ATXN2: variants seen among roughly 807,000 people sequenced by gnomAD.
ATXN2 encodes ataxin-2.
In ATXN2, 37 loss-of-function variants were observed where a neutral mutation model predicts 138.6. The ratio of observed to expected loss-of-function variants is 0.27; its 90% CI spans 0.21 to 0.35. The LOEUF (loss-of-function observed/expected upper bound fraction) is 0.35, where lower values mean the gene tolerates loss of function less well. ATXN2 is among the 10% of genes least tolerant of loss of function. ATXN2 has a pLI of 1.00. For missense variants in ATXN2, 1,216 were observed against 1,480.3 expected, an observed-to-expected ratio of 0.82 and a Z score of 2.93; for synonymous variants, 549 against 543.7, an observed-to-expected ratio of 1.01 and a Z score of -0.13.
intron 10 of ATXN2, among the ~76,000 whole-genome samples, chr12:111,514,781 C>G (rs975603185): frequency 1.3e-5 from 2 of 152,160 alleles, no homozygotes; most frequent in African/African-American, 4.8e-5. Flanking sequence ...AGCCACCATG[C>G]CTGGCTTCCA....
In ATXN2 at chr12:111,452,415, C is replaced by G. The variant is rs907553702; in HGVS notation, c.*397G>C. The stretch of plus-strand genomic sequence containing the variant: ...AACTTTGTCAAGTTTAGTAAAAGGG[C>G]GTTCCAAGTCTTGATTTTTTTTTTT... On this transcript the variant is annotated 3_prime_UTR_variant, in exon 25 of 25. Coordinates refer to ENST00000673436, the MANE Select transcript of ATXN2 (RefSeq NM_001372574.1). The G allele has an allele frequency of 1.9e-5, 3 of 154,236 alleles. No homozygotes were observed. The highest frequency in any genetic ancestry group is 6.8e-5 in the Admixed American group (1 of 14,814). The allele number at this position is 154,236 out of a possible 1,614,324, so 9.6% of individuals were successfully genotyped here.
chr12:111,469,720 G>A (rs376320483), intron 20 of ATXN2: 4 of 239,362 alleles, frequency 1.7e-5, no homozygotes, highest in East Asian at 1.6e-4. Flanking sequence ...ATCAAGTAGT[G>A]AAGCAAAATG....
chr12:111,572,148 C>A (rs748724419), intron 1 of ATXN2, among the ~76,000 whole-genome samples: 1 of 151,970 alleles, frequency 6.6e-6, no homozygotes, highest in Non-Finnish European at 1.5e-5. Flanking sequence ...ACTGGTAATC[C>A]CAGCACTTTG....
At chr12:111,587,827 C>G (rs1228185669) in intron 1 of ATXN2, among the ~76,000 whole-genome samples, 2 of 152,102 alleles carry the variant, frequency 1.3e-5, no homozygotes, top group East Asian at 3.8e-4. Context: ...ATGAGTTTTA[C>G]AAAGACTTCA....
intron 1 of ATXN2, among the ~76,000 whole-genome samples, chr12:111,594,724 T>C (rs1308941039): frequency 6.6e-6 from 1 of 152,132 alleles, no homozygotes; most frequent in Non-Finnish European, 1.5e-5. Flanking sequence ...AAATTCCCAA[T>C]AGTGCCATGA....
Position 111,586,677 on chromosome 12 carries a change from C to T in ATXN2, c.251+12107G>A, listed in dbSNP as rs138981247. Among the ~76,000 whole-genome samples the T allele has an allele frequency of 4.6e-3, 703 of 152,022 alleles. 6 individuals carry two copies. The highest frequency in any genetic ancestry group is 0.016 in the African/African-American group (645 of 41,510). Reference sequence around the variant, plus strand: ...CTGGGATTACAGGGGTGAGCCACCACGCCCGGCCCTTTTTCTGTTTTTCAG... The same window carrying T: ...CTGGGATTACAGGGGTGAGCCACCATGCCCGGCCCTTTTTCTGTTTTTCAG... On this transcript the variant is annotated intron_variant, in intron 1 of 24. Transcript: ENST00000673436.
chr12:111,506,532 T>C (rs1174375180), intron 14 of ATXN2, among the ~76,000 whole-genome samples: 1 of 152,102 alleles, frequency 6.6e-6, no homozygotes, highest in Non-Finnish European at 1.5e-5. Context: ...CCAAGTGTAG[T>C]ATAAGAGGAG....
In ATXN2 at chr12:111,485,748, T is replaced by C; in HGVS notation, c.2422A>G (p.Met808Val). The change falls in exon 17 of 25, where the codon ATG (methionine) becomes GTG (valine). Residue 808 changes from methionine to valine, a missense_variant. Met to Val is a conservative substitution (Grantham distance 21, BLOSUM62 1). This residue lies in a region of ATXN2 where 490 missense variants were observed against 653.5 expected (regional missense o/e 0.75). Transcript: ENST00000673436. ...YTQPVCFAPN[M>V]MYPVPVSPGV... Reference sequence around the variant, plus strand: ...GGGCTCACTGGGACTGGATACATCATATTTGGTGCAAAACAAACAGGCTGA... The same window carrying C: ...GGGCTCACTGGGACTGGATACATCACATTTGGTGCAAAACAAACAGGCTGA... The C allele has an allele frequency of 2.5e-6, 4 of 1,614,158 alleles. No individual in the cohort carries two copies. In the South Asian group the frequency reaches 4.4e-5, roughly 18 times the overall value.
intron 9 of ATXN2, among the ~76,000 whole-genome samples, chr12:111,517,480 A>C (rs1879918886): frequency 6.6e-6 from 1 of 152,164 alleles, no homozygotes; most frequent in South Asian, 2.1e-4. Context: ...GCTAAAATTG[A>C]ATGTCCACTC....
At chr12:111,560,162 G>C (rs1592901326) in intron 1 of ATXN2, among the ~76,000 whole-genome samples, 1 of 152,102 alleles carries the variant, frequency 6.6e-6, no homozygotes, top group Non-Finnish European at 1.5e-5. Context: ...AACAATGCAG[G>C]CCCTCCATAT....
At chr12:111,550,062 C>CAAA (rs11360314) in intron 5 of ATXN2, among the ~76,000 whole-genome samples, 2 of 78,938 alleles carry the variant, frequency 2.5e-5, no homozygotes, top group South Asian at 3.5e-4. Context: ...ACTCCGTCTC[C>CAAA]AAAAAAAAAA....
At chr12:111,553,196 A>C (rs558242851) in intron 3 of ATXN2, among the ~76,000 whole-genome samples, 1 of 152,158 alleles carries the variant, frequency 6.6e-6, no homozygotes. Context: ...TTTAATACTG[A>C]AGTCAAACAT....
At chr12:111,525,401 G>A in intron 5 of ATXN2, 85 bp from the exon 6 acceptor site, 2 of 1,300,988 alleles carry the variant, frequency 1.5e-6, no homozygotes, top group Non-Finnish European at 2.0e-6. Flanking sequence ...AAAGACATAT[G>A]TTAAAAAACA....
chr12:111,568,860 T>G (rs1169237757), intron 1 of ATXN2, among the ~76,000 whole-genome samples: 1 of 152,238 alleles, frequency 6.6e-6, no homozygotes, highest in Non-Finnish European at 1.5e-5. Flanking sequence ...CTTCTTGTTG[T>G]TGTTTACATT....
intron 1 of ATXN2, among the ~76,000 whole-genome samples, chr12:111,575,059 C>T (rs925515129): frequency 1.3e-5 from 2 of 152,104 alleles, no homozygotes; most frequent in Non-Finnish European, 2.9e-5. Flanking sequence ...CGGTAGCGTC[C>T]GGTTCACTCA....
At chr12:111,560,354 C>T (rs1882614014) in intron 1 of ATXN2, among the ~76,000 whole-genome samples, 1 of 152,082 alleles carries the variant, frequency 6.6e-6, no homozygotes, top group South Asian at 2.1e-4. Context: ...CCGGTATATG[C>T]AAATACTGTG....
At position 111,552,543 on chromosome 12, in the gene ATXN2, CAA is replaced by C. The variant is rs1592893712; in HGVS notation, c.421-115_421-114del. 6.3e-5 allele frequency: 67 copies of C among 1,063,756 alleles called. 1 individual carries two copies. The East Asian group carries it at 1.8e-3, about 29-fold the overall frequency. The allele number at this position is 1,063,756 out of a possible 1,614,324, so 65.9% of individuals were successfully genotyped here. On this transcript the variant is annotated intron_variant, in intron 4 of 24. Transcript: ENST00000673436. This position sits in a 1 kb window ranked among gnomAD's most constrained non-coding sequence, Gnocchi z 4.1. ...TATATGCCTTTGACAAAAATAATCTCAAGAGAATCATACCCTTTTTCCCAGGC... is the reference window on the plus strand; with the variant it reads ...TATATGCCTTTGACAAAAATAATCTCGAGAATCATACCCTTTTTCCCAGGC...
At chr12:111,475,674 C>A (rs529700435) in intron 18 of ATXN2, among the ~76,000 whole-genome samples, 1 of 150,614 alleles carries the variant, frequency 6.6e-6, no homozygotes, top group South Asian at 2.1e-4. Context: ...TTTTAAAGAT[C>A]AGTTGGTTTT....
intron 1 of ATXN2, among the ~76,000 whole-genome samples, chr12:111,561,956 C>A (rs1009487600): frequency 1.3e-5 from 2 of 151,670 alleles, no homozygotes; most frequent in Non-Finnish European, 2.9e-5. Context: ...GGACTACAGG[C>A]GTGTGCCACC....
Sources: allele counts gnomAD v4.1 joint callset (sites outside exome capture counted in the v4.1 genomes callset), GRCh38; gene constraint gnomAD v4.1.1; regional missense constraint gnomAD v4.1.1; non-coding constraint Gnocchi (gnomAD v3.1); transcripts MANE v1.5; gene names NCBI Gene and HGNC (gene_info 2026-07-23, HGNC 2026-07-21).